The following ARHGEF3 variants were observed in gnomAD, a reference collection of about 807,000 sequenced individuals.
ARHGEF3 encodes the protein 59.8 kDA protein.
A neutral mutation model predicts 63.2 loss-of-function variants in ARHGEF3; 28 were observed. The ratio of observed to expected loss-of-function variants is 0.44; its 90% CI spans 0.33 to 0.61. ARHGEF3 has a LOEUF of 0.61. Among genes scored for constraint, ARHGEF3 ranks in the 20% least tolerant of loss-of-function variants. ARHGEF3 has a pLI of 0.03. For synonymous variants in ARHGEF3, 266 were observed against 254.2 expected (o/e 1.05, Z -0.44); for missense variants, 533 against 659.3 (o/e 0.81, Z 2.10).
chr3:57,073,875 C>T (rs932838766), intron 1 of ARHGEF3: 11 of 1,614,190 alleles, frequency 6.8e-6, no homozygotes, highest in Non-Finnish European at 9.3e-6. Flanking sequence ...AGGTGTCCTG[C>T]CAGGAGCAGC....
At chr3:56,773,534 A>G (rs2036119748) in intron 2 of ARHGEF3, among the ~76,000 whole-genome samples, 175 bp downstream of exon 2, 1 of 152,208 alleles carries the variant, frequency 6.6e-6, no homozygotes, top group Non-Finnish European at 1.5e-5. Context: ...ATGACCCTTG[A>G]CTGCAACTTG....
chr3:56,971,574 G>T (rs540773676), intron 2 of ARHGEF3, among the ~76,000 whole-genome samples: 3 of 151,202 alleles, frequency 2.0e-5, no homozygotes. Flanking sequence ...GGTTAAGGCC[G>T]GGCGCGGTGG....
chr3:56,889,494 G>C (rs1179264140), intron 3 of ARHGEF3, among the ~76,000 whole-genome samples: 1 of 152,182 alleles, frequency 6.6e-6, no homozygotes, highest in Non-Finnish European at 1.5e-5. Flanking sequence ...CAGTTTAATG[G>C]ATTGTGCCAT....
chr3:56,838,836 T>G, intron 4 of ARHGEF3, among the ~76,000 whole-genome samples: 1 of 152,048 alleles, frequency 6.6e-6, no homozygotes, highest in Non-Finnish European at 1.5e-5. Context: ...CAAACGATAA[T>G]TTGTATAACC....
intron 4 of ARHGEF3, among the ~76,000 whole-genome samples, chr3:56,848,710 A>G (rs2039572132): frequency 6.6e-6 from 1 of 152,204 alleles, no homozygotes; most frequent in Non-Finnish European, 1.5e-5. Flanking sequence ...CTTGTTGTCC[A>G]GGCTAGAGCG....
chr3:56,833,916 T>C (rs1334754405), intron 4 of ARHGEF3, among the ~76,000 whole-genome samples: 1 of 113,536 alleles, frequency 8.8e-6, no homozygotes, highest in African/African-American at 3.8e-5. Flanking sequence ...TATTCTTTGT[T>C]TTCCCCCCCC....
intron 2 of ARHGEF3, among the ~76,000 whole-genome samples, chr3:56,764,956 C>G (rs1167466850): frequency 1.3e-5 from 2 of 151,940 alleles, no homozygotes; most frequent in African/African-American, 2.4e-5. Context: ...GGGGTTTCAC[C>G]ATCTTGCCCA....
At chr3:56,791,421 C>A (rs908096887) in intron 1 of ARHGEF3, among the ~76,000 whole-genome samples, 2 of 152,226 alleles carry the variant, frequency 1.3e-5, no homozygotes, top group African/African-American at 2.4e-5. Flanking sequence ...CCAGCCTAGG[C>A]AACAGAACAA....
chr3:57,007,731 A>G (rs1429017265), intron 2 of ARHGEF3, among the ~76,000 whole-genome samples: 1 of 152,098 alleles, frequency 6.6e-6, no homozygotes, highest in African/African-American at 2.4e-5. Context: ...TCTTCAAGAG[A>G]CTGGCTTTGG....
intron 2 of ARHGEF3, among the ~76,000 whole-genome samples, chr3:56,769,072 C>T (rs1423416240): frequency 6.6e-6 from 1 of 152,230 alleles, no homozygotes; most frequent in African/African-American, 2.4e-5. Flanking sequence ...TGTTCTTTTT[C>T]TCTTTCTCCT....
intron 4 of ARHGEF3, among the ~76,000 whole-genome samples, chr3:56,809,772 A>T (rs2037997897): frequency 6.6e-6 from 1 of 150,624 alleles, no homozygotes; most frequent in Non-Finnish European, 1.5e-5. Context: ...TCACTTTGTC[A>T]CCCAGGCTGG....
At chr3:56,859,587 T>C (rs1444415379) in intron 4 of ARHGEF3, among the ~76,000 whole-genome samples, 1 of 150,902 alleles carries the variant, frequency 6.6e-6, no homozygotes, top group Admixed American at 6.6e-5. Flanking sequence ...TGGAGTGCAG[T>C]GGAGCAGAGA....
chr3:57,014,472 T>C (rs2107125505), intron 2 of ARHGEF3, among the ~76,000 whole-genome samples: 1 of 152,316 alleles, frequency 6.6e-6, no homozygotes, highest in Non-Finnish European at 1.5e-5. Context: ...TGTGGTATAA[T>C]TCTATTAAAA....
At chr3:56,929,274 T>C (rs2042351210) in intron 3 of ARHGEF3, among the ~76,000 whole-genome samples, 1 of 152,198 alleles carries the variant, frequency 6.6e-6, no homozygotes, top group South Asian at 2.1e-4. Flanking sequence ...GCTAGAGTCA[T>C]GGCTCCTGGT....
intron 3 of ARHGEF3, among the ~76,000 whole-genome samples, chr3:56,924,093 G>C (rs1427257718): frequency 6.6e-6 from 1 of 152,218 alleles, no homozygotes; most frequent in African/African-American, 2.4e-5. Flanking sequence ...CCACGTGGCT[G>C]TAACAAGAAG....
intron 1 of ARHGEF3, among the ~76,000 whole-genome samples, chr3:56,787,756 G>A (rs893949834): frequency 5.6e-5 from 8 of 142,992 alleles, no homozygotes; most frequent in African/African-American, 8.1e-5. Flanking sequence ...TATACAGGAG[G>A]ACTTTGTGCT....
At chr3:56,869,286 A>G (rs1279939117) in intron 4 of ARHGEF3, among the ~76,000 whole-genome samples, 1 of 152,234 alleles carries the variant, frequency 6.6e-6, no homozygotes, top group African/African-American at 2.4e-5. Context: ...GTGACCACTG[A>G]AGATAAGCCC....
At chr3:56,984,248 CCT>C (rs1298267884) in intron 2 of ARHGEF3, among the ~76,000 whole-genome samples, 4 of 152,206 alleles carry the variant, frequency 2.6e-5, no homozygotes, top group African/African-American at 4.8e-5. Context: ...GCCATTTTCC[CCT>C]GTGTTTACTT....
At chr3:56,769,869 G>A (rs530823956) in intron 2 of ARHGEF3, among the ~76,000 whole-genome samples, 34 of 152,344 alleles carry the variant, frequency 2.2e-4, no homozygotes, top group African/African-American at 7.9e-4. Flanking sequence ...CTGCAACAGA[G>A]AACCAAGCTG....
Sources: allele counts gnomAD v4.1 joint callset (sites outside exome capture counted in the v4.1 genomes callset), GRCh38; gene constraint gnomAD v4.1.1; transcripts MANE v1.5; gene names NCBI Gene and HGNC (gene_info 2026-07-23, HGNC 2026-07-21).